The following PDGFRA variants were observed in gnomAD, a reference collection of about 807,000 sequenced individuals.
The protein encoded by PDGFRA is platelet derived growth factor receptor alpha.
PDGFRA carries 25 observed loss-of-function variants against 121.5 expected under a neutral mutation model. The observed-to-expected ratio is 0.21, with a 90% CI of 0.15 to 0.29. The LOEUF is 0.29. Ranked by LOEUF, PDGFRA falls within the 10% of genes least tolerant of loss-of-function variation. The pLI is 1.00. For missense variants in PDGFRA, 1,008 were observed against 1,345.1 expected, an observed-to-expected ratio of 0.75 and a Z score of 3.92; for synonymous variants, 463 against 494.8, an observed-to-expected ratio of 0.94 and a Z score of 0.85.
intron 12 of PDGFRA, among the ~76,000 whole-genome samples, chr4:54,275,309 A>G (rs1328688691): frequency 6.6e-6 from 1 of 152,246 alleles, no homozygotes; most frequent in African/African-American, 2.4e-5. Flanking sequence ...AAATGAGCAG[A>G]TGAGAAATGA....
chr4:54,277,528 G>A (rs769508238), intron 13 of PDGFRA, 36 bp downstream of exon 13: 1 of 1,411,748 alleles, frequency 7.1e-7, no homozygotes, highest in Non-Finnish European at 1.0e-6. Context: ...TTGAGCACGG[G>A]GATTTTTTGA....
intron 12 of PDGFRA, 101 bp from the exon 13 acceptor site, chr4:54,277,287 G>A (rs1297146724): frequency 9.8e-6 from 8 of 817,902 alleles, no homozygotes; most frequent in Non-Finnish European, 1.7e-5. Flanking sequence ...AAACAGGAAA[G>A]ACACTCGCCC....
At chr4:54,264,723 A>G (rs1722936519) in intron 4 of PDGFRA, 196 bp from the exon 5 acceptor site, 1 of 535,886 alleles carries the variant, frequency 1.9e-6, no homozygotes, top group African/African-American at 1.9e-5. Context: ...GTAATTCTGT[A>G]TTATAACTAT....
intron 22 of PDGFRA, among the ~76,000 whole-genome samples, chr4:54,291,583 A>G (rs1226386806): frequency 6.6e-6 from 1 of 152,212 alleles, no homozygotes; most frequent in Non-Finnish European, 1.5e-5. Flanking sequence ...ATGAGATACC[A>G]TCTCACACCA....
At chr4:54,265,646 C>G (rs1203848378) in intron 5 of PDGFRA, among the ~76,000 whole-genome samples, 1 of 152,102 alleles carries the variant, frequency 6.6e-6, no homozygotes, top group Non-Finnish European at 1.5e-5. Flanking sequence ...TTCAGTATTG[C>G]AGGAAGAAGG....
intron 1 of PDGFRA, among the ~76,000 whole-genome samples, chr4:54,257,504 A>T (rs915978948): frequency 4.6e-5 from 7 of 152,190 alleles, no homozygotes; most frequent in African/African-American, 1.7e-4. Flanking sequence ...ACCATGTGAC[A>T]TTAGGAGCAA....
intron 1 of PDGFRA, among the ~76,000 whole-genome samples, chr4:54,239,203 G>T (rs530228984): frequency 6.6e-6 from 1 of 152,284 alleles, no homozygotes; most frequent in African/African-American, 2.4e-5. Context: ...GGTCTAAAAA[G>T]GGGAGGAACC....
At position 54,296,504 on chromosome 4, in the gene PDGFRA, A is replaced by G. The variant is rs1724892099; in HGVS notation, c.*1232A>G. 1 of 232,500 alleles carries G rather than the reference A, an allele frequency of 4.3e-6. No individual in the cohort carries two copies. Among genetic ancestry groups the G allele is most frequent in the South Asian group, 1.8e-4 (1 of 5,508 alleles). The allele number at this position is 232,500 out of a possible 1,614,324, so 14.4% of individuals were successfully genotyped here. ...CCTTCTTTCACCCCTTACCCCAAAG[A>G]GAAAGAGTTTGAAACTCGAGACCAT... is the stretch of plus-strand genomic sequence containing the variant. On this transcript the variant is annotated 3_prime_UTR_variant, in exon 23 of 23. Coordinates refer to ENST00000257290, the MANE Select transcript of PDGFRA (RefSeq NM_006206.6).
chr4:54,254,482 A>G (rs35249513), intron 1 of PDGFRA, among the ~76,000 whole-genome samples: 2,862 of 152,304 alleles, frequency 0.019, 98 homozygotes, highest in African/African-American at 0.066. Flanking sequence ...GGATGCACAC[A>G]GGGAAATCTG....
intron 5 of PDGFRA, among the ~76,000 whole-genome samples, chr4:54,266,445 C>G (rs1330720108): frequency 6.9e-6 from 1 of 144,686 alleles, no homozygotes; most frequent in Non-Finnish European, 1.5e-5. Flanking sequence ...GAGGATCTCA[C>G]TACATTGCCC....
Position 54,290,450 on chromosome 4 carries a change from T to A in PDGFRA, c.3018T>A (p.Gly1006=), listed in dbSNP as rs1207081282. 2 of 1,613,770 alleles carry A rather than the reference T, an allele frequency of 1.2e-6. No homozygotes were observed. The highest frequency in any genetic ancestry group is 2.7e-5 in the African/African-American group (2 of 74,852). Reference sequence around the variant, plus strand: ...ACAAGCTGAAGGACTGGGAGGGTGGTCTGGATGAGCAGAGACTGAGCGCTG... The same window carrying A: ...ACAAGCTGAAGGACTGGGAGGGTGGACTGGATGAGCAGAGACTGAGCGCTG... ...EEDKLKDWEG[G]LDEQRLSADS... Residue 1006 remains glycine, a synonymous_variant, in exon 22 of 23, where the codon GGT becomes GGA. Transcript: ENST00000257290.
At chr4:54,283,225 G>A (rs1225434283) in intron 16 of PDGFRA, among the ~76,000 whole-genome samples, 1 of 152,202 alleles carries the variant, frequency 6.6e-6, no homozygotes, top group Non-Finnish European at 1.5e-5. Context: ...CCTAGTAGAG[G>A]TTCTCTGTGA....
rs1447984200 is a variant in PDGFRA, at chr4:54,261,919, ATATATATATATATT to A, written c.367+509_367+522del. On this transcript the variant is annotated intron_variant, in intron 3 of 22. Transcript: ENST00000257290. ...GTTACATATATATATATATATATAT[ATATATATATATATT>A]TTTTTTTTTTTTGGTAACAGGGTCT... Among the ~76,000 whole-genome samples the A allele has an allele frequency of 1.3e-3, 82 of 65,402 alleles. 1 individual carries two copies. The highest frequency in any genetic ancestry group is 3.9e-3 in the African/African-American group (70 of 17,952). The allele number at this position is 65,402 out of a possible 152,430, so 42.9% of individuals were successfully genotyped here. A position where few individuals can be genotyped will look rare whatever the true frequency, so the allele number is the denominator to read the frequency against.
At chr4:54,288,694 G>A in intron 19 of PDGFRA, 105 bp from the exon 20 acceptor site, 1 of 780,196 alleles carries the variant, frequency 1.3e-6, no homozygotes, top group Non-Finnish European at 2.4e-6. Context: ...AGTGCTTCAA[G>A]GCTATAGGAT....
intron 22 of PDGFRA, among the ~76,000 whole-genome samples, chr4:54,292,616 G>A (rs1252371025): frequency 5.9e-5 from 9 of 152,100 alleles, no homozygotes; most frequent in Non-Finnish European, 1.0e-4. Context: ...CCACCATGAC[G>A]CATGTTTACC....
Position 54,261,110 on chromosome 4 carries a change from T to C in PDGFRA, c.65T>C (p.Leu22Pro). The C allele has an allele frequency of 6.2e-7, 1 of 1,614,202 alleles. No homozygotes were observed. The highest frequency in any genetic ancestry group is 8.5e-7 in the Non-Finnish European group (1 of 1,180,004). ...CCTTTTGCAGGGCTGAGCCTAATCC[T>C]CTGCCAGCTTTCATTACCCTCTATC... Reference protein sequence around the residue: ...GCLLTGLSLILCQLSLPSILP... With the variant: ...GCLLTGLSLIPCQLSLPSILP... Residue 22 changes from leucine (L) to proline (P), a missense_variant, in exon 3 of 23, where the codon CTC becomes CCC. Physicochemically the swap from Leu to Pro is moderately conservative, Grantham distance 98 (BLOSUM62 -3). Transcript: ENST00000257290.
At chr4:54,252,436 T>G (rs1722102141) in intron 1 of PDGFRA, among the ~76,000 whole-genome samples, 1 of 152,212 alleles carries the variant, frequency 6.6e-6, no homozygotes, top group Admixed American at 6.5e-5. Context: ...GAGTTATGAT[T>G]TGTCCTCACT....
chr4:54,269,055 G>A (rs182254732), intron 7 of PDGFRA, among the ~76,000 whole-genome samples: 87 of 152,184 alleles, frequency 5.7e-4, no homozygotes, highest in South Asian at 2.5e-3. Flanking sequence ...CCAGGATGGG[G>A]GATCTGGCTT....
intron 16 of PDGFRA, among the ~76,000 whole-genome samples, chr4:54,284,199 C>T (rs1421394228): frequency 6.6e-6 from 1 of 152,170 alleles, no homozygotes; most frequent in Non-Finnish European, 1.5e-5. Flanking sequence ...TTGTCCATAT[C>T]ATTATCAGCA....
Sources: gnomAD v4.1 joint callset for allele counts (sites outside exome capture counted in the v4.1 genomes callset) on GRCh38, gnomAD v4.1.1 for gene constraint, MANE v1.5 for transcripts, NCBI Gene and HGNC (gene_info 2026-07-23, HGNC 2026-07-21) for gene names.